Variants in CDKL4 observed in about 807,000 individuals in gnomAD.
CDKL4 encodes the protein cyclin dependent kinase like 4, also known as cyclin-dependent kinase-like 4.
CDKL4 carries 44 observed loss-of-function variants against 42.0 expected under a neutral mutation model. The ratio of observed to expected loss-of-function variants is 1.05; its 90% CI spans 0.82 to 1.35. The LOEUF is 1.35. Ranked by LOEUF, CDKL4 falls within the 40% of genes most tolerant of loss-of-function variation. The pLI, the probability that CDKL4 is intolerant of heterozygous loss-of-function variation, is 0.00. For synonymous variants in CDKL4, 120 were observed against 121.6 expected (o/e 0.99, Z 0.09); for missense variants, 393 against 369.9 (o/e 1.06, Z -0.51).
upstream of CDKL4, among the ~76,000 whole-genome samples, chr2:39,245,822 G>A (rs1050893274): frequency 2.0e-5 from 3 of 152,194 alleles, no homozygotes; most frequent in African/African-American, 4.8e-5. Context: ...GCAGACTTCT[G>A]TAGGTTTTTG....
At chr2:39,222,327 T>G (rs1281852908) in intron 3 of CDKL4, among the ~76,000 whole-genome samples, 1 of 152,146 alleles carries the variant, frequency 6.6e-6, no homozygotes. Flanking sequence ...TGGGGACTCA[T>G]GCCTGTAATC....
At chr2:39,226,434 A>ACTTATATAT (rs1678720022) in intron 2 of CDKL4, among the ~76,000 whole-genome samples, 1 of 101,572 alleles carries the variant, frequency 9.8e-6, no homozygotes, top group Admixed American at 1.1e-4. Flanking sequence ...TATTTATATA[A>ACTTATATAT]ATTATATATA....
At chr2:39,240,319 G>A (rs567086935) in intron 1 of CDKL4, among the ~76,000 whole-genome samples, 56 of 150,866 alleles carry the variant, frequency 3.7e-4, no homozygotes, top group African/African-American at 1.3e-3. Flanking sequence ...CCAGGTACTC[G>A]GGAGGCAGGA....
At chr2:39,174,695 C>G (rs1675098114), downstream of CDKL4, among the ~76,000 whole-genome samples, 1 of 152,114 alleles carries the variant, frequency 6.6e-6, no homozygotes, top group Admixed American at 6.6e-5. Context: ...ATAAAATACT[C>G]TTTAATTTTT....
chr2:39,219,086 G>A (rs1472267815), intron 3 of CDKL4, among the ~76,000 whole-genome samples: 2 of 152,128 alleles, frequency 1.3e-5, no homozygotes, highest in Non-Finnish European at 2.9e-5. Flanking sequence ...TCTCTTGTCC[G>A]TTATTATAGC....
intron 1 of CDKL4, among the ~76,000 whole-genome samples, chr2:39,232,034 T>C (rs1447378616): frequency 6.6e-6 from 1 of 152,256 alleles, no homozygotes; most frequent in Non-Finnish European, 1.5e-5. Context: ...AGCTTAATTA[T>C]GAAGTTTTAA....
exon 2 of CDKL4, chr2:39,229,576 T>G: frequency 6.8e-7 from 1 of 1,472,592 alleles, no homozygotes; most frequent in East Asian, 2.3e-5. Context: ...TGACTTGCAG[T>G]ACAATGCTGC....
chr2:39,171,519 T>A (rs1332295564), downstream of CDKL4, among the ~76,000 whole-genome samples: 1 of 152,124 alleles, frequency 6.6e-6, no homozygotes, highest in Non-Finnish European at 1.5e-5. Context: ...TTGGGGCAAG[T>A]TGGAACAATT....
intron 5 of CDKL4, among the ~76,000 whole-genome samples, chr2:39,196,953 A>G (rs757448154): frequency 1.3e-5 from 2 of 152,184 alleles, no homozygotes; most frequent in Non-Finnish European, 2.9e-5. Context: ...CTAACTCACC[A>G]GCAATGGATC....
chr2:39,171,033 G>A (rs755739490), downstream of CDKL4, among the ~76,000 whole-genome samples: 1 of 151,946 alleles, frequency 6.6e-6, no homozygotes, highest in Admixed American at 6.6e-5. Flanking sequence ...GAGGTGAGGA[G>A]TTCGAGACCA....
At chr2:39,191,391 C>T (rs1301425428) in intron 5 of CDKL4, among the ~76,000 whole-genome samples, 3 of 152,136 alleles carry the variant, frequency 2.0e-5, no homozygotes, top group African/African-American at 7.2e-5. Flanking sequence ...AAGACTCTAA[C>T]TCACACATAT....
intron 4 of CDKL4, among the ~76,000 whole-genome samples, chr2:39,204,880 T>A (rs1363607645): frequency 1.3e-5 from 2 of 151,744 alleles, no homozygotes; most frequent in Non-Finnish European, 2.9e-5. Context: ...TTTTTTTTTT[T>A]AAAGAAGGGA....
downstream of CDKL4, among the ~76,000 whole-genome samples, chr2:39,170,957 A>G (rs185714730): frequency 2.4e-4 from 37 of 152,220 alleles, no homozygotes; most frequent in African/African-American, 2.4e-4. Context: ...AGCACAAAAC[A>G]TCTTCAGGTC....
chr2:39,228,019 G>T (rs1206405949), intron 2 of CDKL4, among the ~76,000 whole-genome samples: 1 of 152,178 alleles, frequency 6.6e-6, no homozygotes, highest in Non-Finnish European at 1.5e-5. Flanking sequence ...AAAGATGGAC[G>T]TTCTGACATT....
chr2:39,171,813 G>A (rs1318683865), downstream of CDKL4, among the ~76,000 whole-genome samples: 1 of 152,232 alleles, frequency 6.6e-6, no homozygotes, highest in East Asian at 1.9e-4. Flanking sequence ...GGAGTGTTCA[G>A]GCGGCGTCAC....
At position 39,184,706 on chromosome 2, in the gene CDKL4, A is replaced by G. The variant is rs1675621261; in HGVS notation, c.736-59T>C. The G allele has an allele frequency of 4.4e-6, 5 of 1,132,532 alleles. No homozygotes were observed. In the South Asian group the frequency reaches 5.1e-5, roughly 12 times the overall value. 70.2% of individuals were successfully genotyped at this position (1,132,532 alleles called of 1,614,324 possible). On this transcript the variant is annotated intron_variant, in intron 7 of 9. Coordinates refer to ENST00000451199, the Ensembl canonical transcript of CDKL4. ...TAAGAACAAAGTAATATGTGTGTGT[A>G]TATATGTGCGTATGTATGTGTGTGT... is the stretch of plus-strand genomic sequence containing the variant.
At chr2:39,235,918 A>G (rs1012862965) in intron 1 of CDKL4, among the ~76,000 whole-genome samples, 3 of 152,182 alleles carry the variant, frequency 2.0e-5, no homozygotes, top group African/African-American at 7.2e-5. Context: ...GCTAAAAAAA[A>G]GGAAAGTGTG....
At chr2:39,246,149 AGGTGACTCT>A (rs1679903467), upstream of CDKL4, among the ~76,000 whole-genome samples, 1 of 152,226 alleles carries the variant, frequency 6.6e-6, no homozygotes, top group Non-Finnish European at 1.5e-5. Flanking sequence ...TTCCCTAAAC[AGGTGACTCT>A]CTTCTCCTTT....
chr2:39,237,888 T>C (rs1679455089), intron 1 of CDKL4, among the ~76,000 whole-genome samples: 1 of 152,064 alleles, frequency 6.6e-6, no homozygotes, highest in Non-Finnish European at 1.5e-5. Context: ...ATATGCAAAA[T>C]AAATCATCTT....
Sources: gnomAD v4.1 joint callset for allele counts (sites outside exome capture counted in the v4.1 genomes callset) on GRCh38, gnomAD v4.1.1 for gene constraint, MANE v1.5 for transcripts, NCBI Gene and HGNC (gene_info 2026-07-23, HGNC 2026-07-21) for gene names.